TRIM34: variants seen among roughly 807,000 people sequenced by gnomAD.
TRIM34 encodes tripartite motif containing 34, also known as E3 ubiquitin-protein ligase TRIM34.
A neutral mutation model predicts 38.1 loss-of-function variants in TRIM34; 41 were observed. The ratio of observed to expected loss-of-function variants is 1.08; its 90% CI spans 0.84 to 1.40. TRIM34 has a LOEUF of 1.40. TRIM34 is among the 40% of genes most tolerant of loss of function. TRIM34 has a pLI of 0.00. For missense variants in TRIM34, 556 were observed against 571.4 expected (o/e 0.97, Z 0.27); for synonymous variants, 200 against 202.5 (o/e 0.99, Z 0.10).
chr11:5,635,784 GTCT>G (rs1849710462), intron 4 of TRIM34, among the ~76,000 whole-genome samples: 1 of 151,596 alleles, frequency 6.6e-6, no homozygotes, highest in Non-Finnish European at 1.5e-5. Flanking sequence ...TTTTCCTTTT[GTCT>G]TCTTTTTTTG....
chr11:5,642,673 C>T, intron 6 of TRIM34, 144 bp from the exon 7 acceptor site: 1 of 1,324,490 alleles, frequency 7.6e-7, no homozygotes, highest in Non-Finnish European at 9.9e-7. Context: ...GGAAAAATGG[C>T]TAGGTCTCTG....
At position 5,643,668 on chromosome 11, in the gene TRIM34, A is replaced by G. The variant is rs1850122932; in HGVS notation, c.1426A>G (p.Asn476Asp). 8.7e-6 allele frequency: 14 copies of G among 1,613,040 alleles called. No homozygotes were observed. Among genetic ancestry groups the G allele is most frequent in the Non-Finnish European group, 1.1e-5 (13 of 1,179,614 alleles). Residue 476 changes from asparagine (N) to aspartate (D), a missense_variant, in exon 8 of 8, where the codon AAC (asparagine) becomes GAC (aspartate). Coordinates refer to ENST00000429814, the MANE Select transcript of TRIM34 (RefSeq NM_021616.6). ...QPVYPYFNPWNCPAPMTLCPP... is the reference protein window; with the variant it reads ...QPVYPYFNPWDCPAPMTLCPP... ...TGTTTATCCATATTTCAATCCTTGG[A>G]ACTGTCCAGCTCCCATGACTCTATG...
intron 5 of TRIM34, 100 bp downstream of exon 5, chr11:5,641,289 A>C: frequency 6.3e-6 from 10 of 1,586,804 alleles, no homozygotes; most frequent in Non-Finnish European, 8.6e-6. Flanking sequence ...AATCTCCCAG[A>C]GTAGTAAAAT....
chr11:5,624,032 A>C (rs1384983998), upstream of TRIM34, among the ~76,000 whole-genome samples: 1 of 152,126 alleles, frequency 6.6e-6, no homozygotes, highest in African/African-American at 2.4e-5. Flanking sequence ...CTGTTTGTGG[A>C]GGCACAATGT....
chr11:5,636,674 T>G (rs968724735), intron 4 of TRIM34, among the ~76,000 whole-genome samples: 1 of 152,244 alleles, frequency 6.6e-6, no homozygotes, highest in African/African-American at 2.4e-5. Flanking sequence ...TCAGTCAGTC[T>G]TAGTTGCTAT....
In TRIM34 at chr11:5,641,159, C is replaced by A; in HGVS notation, c.751-8C>A. The A allele has an allele frequency of 6.2e-7, 1 of 1,610,084 alleles. No homozygotes were observed. Among genetic ancestry groups the A allele is most frequent in the South Asian group, 1.1e-5 (1 of 90,476 alleles). On this transcript the variant is annotated splice_polypyrimidine_tract_variant and splice_region_variant and intron_variant, in intron 4 of 7. Transcript: ENST00000429814. ...CACTTTGACTCATGTTTTCTCTTTT[C>A]TTTCTAGGACATGAGTGGAATCATG...
Position 5,638,762 on chromosome 11 carries a change from A to C in TRIM34, c.751-2405A>C, listed in dbSNP as rs138559866. Among the ~76,000 whole-genome samples the C allele has an allele frequency of 3.5e-3, 535 of 152,304 alleles. 3 individuals are homozygous for C. Among genetic ancestry groups the C allele is most frequent in the African/African-American group, 0.012 (514 of 41,572 alleles). The stretch of plus-strand genomic sequence containing the variant: ...TTTTTTCTTCTTTGTGGAATGTAGT[A>C]TTGTACCTGTACAGAATGAAGTCTA... On this transcript the variant is annotated intron_variant, in intron 4 of 7. Coordinates refer to ENST00000429814, the MANE Select transcript of TRIM34 (RefSeq NM_021616.6).
intron 3 of TRIM34, 101 bp from the exon 4 acceptor site, chr11:5,634,530 C>CACACACATATATAT (rs1491498839): frequency 1.2e-4 from 31 of 262,034 alleles, no homozygotes; most frequent in African/African-American, 9.9e-4. Context: ...CACACACACA[C>CACACACATATATAT]ATATATATAT....
chr11:5,632,801 G>T, intron 2 of TRIM34, 47 bp downstream of exon 2: 1 of 1,465,454 alleles, frequency 6.8e-7, no homozygotes, highest in South Asian at 1.4e-5. Flanking sequence ...GGTAGTTGGT[G>T]GAAAATCTCA....
chr11:5,642,400 C>A lies in TRIM34; in HGVS notation c.774-6C>A. 1.9e-6 allele frequency: 3 copies of A among 1,611,192 alleles called. No homozygotes were observed. Among genetic ancestry groups the A allele is most frequent in the South Asian group, 2.2e-5 (2 of 90,790 alleles). On this transcript the variant is annotated splice_polypyrimidine_tract_variant and splice_region_variant and intron_variant, in intron 5 of 7. Coordinates refer to ENST00000429814, the MANE Select transcript of TRIM34 (RefSeq NM_021616.6). ...GTGGGGGTCAAAAAATTTTTTTCATCCCTAGGAGTGAGATCTGGAGGCTGA... is the reference window on the plus strand; with the variant it reads ...GTGGGGGTCAAAAAATTTTTTTCATACCTAGGAGTGAGATCTGGAGGCTGA...
intron 2 of TRIM34, 44 bp downstream of exon 2, chr11:5,632,798 G>T: frequency 6.7e-7 from 1 of 1,483,502 alleles, no homozygotes; most frequent in Middle Eastern, 1.9e-4. Context: ...GATGGTAGTT[G>T]GTGGAAAATC....
In TRIM34 at chr11:5,643,301, G is replaced by A; in HGVS notation, c.1059G>A (p.Val353=). The part of the protein sequence containing the change: ...YFSSGKHYWE[V]DVSKKTAWIL... ...CCTCTGGGAAACATTACTGGGAAGT[G>A]GACGTGTCCAAGAAAACTGCCTGGA... The change falls in exon 8 of 8, where the codon GTG becomes GTA. Residue 353 remains valine (V), a synonymous_variant. Coordinates refer to ENST00000429814, the MANE Select transcript of TRIM34 (RefSeq NM_021616.6). The A allele has an allele frequency of 1.2e-6, 2 of 1,613,952 alleles. No homozygotes were observed. Among genetic ancestry groups the A allele is most frequent in the Non-Finnish European group, 1.7e-6 (2 of 1,179,950 alleles).
At chr11:5,642,275 T>A in intron 5 of TRIM34, 131 bp from the exon 6 acceptor site, 1 of 728,944 alleles carries the variant, frequency 1.4e-6, no homozygotes, top group Non-Finnish European at 2.2e-6. Flanking sequence ...GGCTCTCCCT[T>A]CTCCCCCTCC....
chr11:5,623,583 T>C (rs1447149880), upstream of TRIM34, among the ~76,000 whole-genome samples: 4 of 146,806 alleles, frequency 2.7e-5, no homozygotes, highest in East Asian at 2.0e-4. Flanking sequence ...GGTTTCACCA[T>C]GTTAGCCAGG....
At chr11:5,639,910 T>C (rs186979458) in intron 4 of TRIM34, among the ~76,000 whole-genome samples, 7 of 152,282 alleles carry the variant, frequency 4.6e-5, no homozygotes, top group Non-Finnish European at 7.4e-5. Context: ...CAATGCATAA[T>C]AATTACATCA....
chr11:5,642,003 A>G (rs770612871), intron 5 of TRIM34, among the ~76,000 whole-genome samples: 3 of 152,166 alleles, frequency 2.0e-5, no homozygotes, highest in Non-Finnish European at 2.9e-5. Flanking sequence ...AGCTCAGAAT[A>G]CCACATCTCT....
intron 1 of TRIM34, among the ~76,000 whole-genome samples, chr11:5,627,005 A>G (rs565882941): frequency 6.6e-6 from 1 of 152,224 alleles, no homozygotes; most frequent in East Asian, 1.9e-4. Flanking sequence ...TTTGAACAGG[A>G]GAGTGACATG....
chr11:5,643,839 A>G lies in TRIM34; in HGVS notation c.*130A>G. 3 of 1,256,862 alleles carry G rather than the reference A, an allele frequency of 2.4e-6. No individual in the cohort carries two copies. Among genetic ancestry groups the G allele is most frequent in the South Asian group, 1.5e-5 (1 of 65,068 alleles). The allele number at this position is 1,256,862 out of a possible 1,614,324, so 77.9% of individuals were successfully genotyped here. On this transcript the variant is annotated 3_prime_UTR_variant, in exon 8 of 8. Transcript: ENST00000429814. ...GAACTTTTACTCATCCTTGAGATGT[A>G]TGGTGTATTTGGCTTGAGTTATGAG...
chr11:5,625,982 T>A (rs1849203547), intron 1 of TRIM34, among the ~76,000 whole-genome samples: 1 of 152,266 alleles, frequency 6.6e-6, no homozygotes, highest in African/African-American at 2.4e-5. Context: ...ATGTCCTATC[T>A]TAAGCTCACT....
Sources: gnomAD v4.1 joint callset for allele counts (sites outside exome capture counted in the v4.1 genomes callset) on GRCh38, gnomAD v4.1.1 for gene constraint, MANE v1.5 for transcripts, NCBI Gene and HGNC (gene_info 2026-07-23, HGNC 2026-07-21) for gene names.